FMO3: variants seen among roughly 807,000 people sequenced by gnomAD.
The protein encoded by FMO3 is flavin-containing monooxygenase 3.
FMO3 carries 40 observed loss-of-function variants against 39.4 expected under a neutral mutation model. The observed-to-expected ratio is 1.02, with a 90% CI of 0.79 to 1.32. The LOEUF is 1.32. Among genes scored for constraint, FMO3 ranks in the 40% most tolerant of loss-of-function variants. The pLI, the probability that FMO3 is intolerant of heterozygous loss-of-function variation, is 0.00. For synonymous variants in FMO3, 219 were observed against 228.8 expected (o/e 0.96, Z 0.39); for missense variants, 680 against 651.8 (o/e 1.04, Z -0.47).
At chr1:171,096,510 TTAAA>T (rs1173784823) in intron 2 of FMO3, among the ~76,000 whole-genome samples, 1 of 105,038 alleles carries the variant, frequency 9.5e-6, no homozygotes, top group Non-Finnish European at 1.7e-5. Flanking sequence ...ACTTTATATA[TTAAA>T]TACATAATAT....
chr1:171,108,106 T>TCCACAG lies in FMO3; in HGVS notation c.514_519dup (p.His172_Ser173dup). The TCCACAG allele has an allele frequency of 6.2e-7, 1 of 1,613,918 alleles. No homozygotes were observed. On this transcript the variant is annotated inframe_insertion, in exon 5 of 9. Coordinates refer to ENST00000367755, the MANE Select transcript of FMO3 (RefSeq NM_001002294.3). The stretch of plus-strand genomic sequence containing the variant: ...CTAAACCACTTTAAAGGCAAATGCT[T>TCCACAG]CCACAGCAGGGACTATAAAGAACCA...
At chr1:171,098,509 C>G (rs1224674238) in intron 2 of FMO3, among the ~76,000 whole-genome samples, 1 of 152,046 alleles carries the variant, frequency 6.6e-6, no homozygotes, top group Non-Finnish European at 1.5e-5. Flanking sequence ...CTTTCACATC[C>G]CTTGTAAGTT....
rs1186278700 is a variant in FMO3 at position 171,113,959 on chromosome 1, A to T, written c.828-48A>T. The T allele has an allele frequency of 2.2e-6, 3 of 1,340,784 alleles. No individual in the cohort carries two copies. In the South Asian group the frequency reaches 3.9e-5, roughly 17 times the overall value. The allele number at this position is 1,340,784 out of a possible 1,614,324, so 83.1% of individuals were successfully genotyped here. On this transcript the variant is annotated intron_variant, in intron 6 of 8. Transcript: ENST00000367755. ...CAATTTATATATGGACCAATAAAAC[A>T]AGAGGGAAATATTACACTTCCAATA...
At chr1:171,114,411 A>G (rs1317738897) in intron 7 of FMO3, 49 bp downstream of exon 7, 2 of 1,326,148 alleles carry the variant, frequency 1.5e-6, no homozygotes, top group African/African-American at 1.4e-5. Context: ...TGCCAGTGAC[A>G]ATAACTTTGG....
Position 171,108,216 on chromosome 1 carries a change from G to A in FMO3, c.622G>A (p.Glu208Lys), listed in dbSNP as rs559643079. 1.2e-6 allele frequency: 2 copies of A among 1,613,806 alleles called. No homozygotes were observed. The highest frequency in any genetic ancestry group is 4.5e-5 in the East Asian group (2 of 44,866). Residue 208 changes from glutamate (E) to lysine (K), a missense_variant, in exon 5 of 9, where the codon GAA becomes AAA. Glu to Lys is a moderately conservative substitution (Grantham distance 56, BLOSUM62 1). Coordinates refer to ENST00000367755, the MANE Select transcript of FMO3 (RefSeq NM_001002294.3). ...DIATELSRTA[E>K]QVMISSRSGS... ...TGCCACAGAACTCAGCCGCACAGCA[G>A]AACAGGTACTACTCCCCGGGTACTC...
Position 171,110,853 on chromosome 1 carries a change from G to C in FMO3, c.683G>C (p.Gly228Ala). The C allele has an allele frequency of 6.2e-7, 1 of 1,613,996 alleles. No homozygotes were observed. Among genetic ancestry groups the C allele is most frequent in the African/African-American group, 1.3e-5 (1 of 75,024 alleles). Residue 228 changes from glycine (G) to alanine (A), a missense_variant, in exon 6 of 9, where the codon GGT becomes GCT. Physicochemically the swap from Gly to Ala is moderately conservative, Grantham distance 60 (BLOSUM62 0). Coordinates refer to ENST00000367755, the MANE Select transcript of FMO3 (RefSeq NM_001002294.3). ...SWVMSRVWDNGYPWDMLLVTR... is the reference protein window; with the variant it reads ...SWVMSRVWDNAYPWDMLLVTR... The stretch of plus-strand genomic sequence containing the variant: ...GTGATGAGCCGGGTCTGGGACAATG[G>C]TTATCCTTGGGACATGCTGCTCGTC...
chr1:171,097,818 G>A (rs1383794875), intron 2 of FMO3, among the ~76,000 whole-genome samples: 1 of 151,874 alleles, frequency 6.6e-6, no homozygotes, highest in Admixed American at 6.6e-5. Context: ...TGTCAATTTT[G>A]GCTTTTGTTG....
chr1:171,111,107 A>C, intron 6 of FMO3, 110 bp downstream of exon 6: 1 of 841,392 alleles, frequency 1.2e-6, no homozygotes, highest in South Asian at 1.4e-5. Context: ...CACAACTCAT[A>C]TATCAGAAGA....
Position 171,092,760 on chromosome 1 carries a change from C to A in FMO3, c.102C>A (p.Ser34Arg), listed in dbSNP as rs1365522593. The A allele has an allele frequency of 1.2e-6, 2 of 1,613,884 alleles. No homozygotes were observed. The highest frequency in any genetic ancestry group is 2.7e-5 in the African/African-American group (2 of 74,898). The change falls in exon 2 of 9, where the codon AGC (serine) becomes AGA (arginine). Residue 34 changes from serine (S) to arginine (R), a missense_variant. Ser to Arg is a moderately radical substitution (Grantham distance 110, BLOSUM62 -1). Transcript: ENST00000367755. The stretch of plus-strand genomic sequence containing the variant: ...TGGAGCCCACCTGCTTTGAGAAGAG[C>A]AATGACATTGGGGGCCTGTGGAAAT... ...EGLEPTCFEK[S>R]NDIGGLWKFS...
At position 171,103,633 on chromosome 1, in the gene FMO3, A is replaced by T. The variant is rs1571213761; in HGVS notation, c.133-152A>T. 6.7e-5 allele frequency: 47 copies of T among 696,664 alleles called. No homozygotes were observed. The East Asian group carries it at 1.2e-3, about 17-fold the overall frequency. 43.2% of individuals were successfully genotyped at this position (696,664 alleles called of 1,614,324 possible). ...AAAATACTATATCATTTTATGTAAGAGACTTGAGCATTCGTAGATTTTGGT... is the reference window on the plus strand; with the variant it reads ...AAAATACTATATCATTTTATGTAAGTGACTTGAGCATTCGTAGATTTTGGT... On this transcript the variant is annotated intron_variant, in intron 2 of 8. Transcript: ENST00000367755.
Position 171,117,403 on chromosome 1 carries a change from T to A in FMO3, c.1560T>A (p.Ile520=). Residue 520 remains isoleucine (I), a synonymous_variant, in exon 9 of 9, where the codon ATT becomes ATA. Coordinates refer to ENST00000367755, the MANE Select transcript of FMO3 (RefSeq NM_001002294.3). The part of the protein sequence containing the change: ...FFFHWLKLFA[I]PILLIAVFLV... ...TCCATTGGCTGAAGCTCTTTGCAAT[T>A]CCTATTCTGTTAATCGCTGTTTTCC... is the stretch of plus-strand genomic sequence containing the variant. The A allele has an allele frequency of 1.2e-6, 2 of 1,613,458 alleles. No individual in the cohort carries two copies. The highest frequency in any genetic ancestry group is 1.7e-6 in the Non-Finnish European group (2 of 1,179,822).
chr1:171,117,296 G>A lies in FMO3; in HGVS notation c.1453G>A (p.Ala485Thr), dbSNP rs971262668. 6.2e-7 allele frequency: 1 copy of A among 1,614,170 alleles called. No individual in the cohort carries two copies. Among genetic ancestry groups the A allele is most frequent in the African/African-American group, 1.3e-5 (1 of 75,060 alleles). ...GPGQWPGARN[A>T]ILTQWDRSLK... is the part of the protein sequence containing the mutation. ...AGGGCAGTGGCCAGGAGCCAGAAAT[G>A]CCATACTGACCCAGTGGGACCGGTC... The change falls in exon 9 of 9, where the codon GCC becomes ACC. Residue 485 changes from alanine to threonine, a missense_variant. Transcript: ENST00000367755.
In FMO3 at chr1:171,109,526, C is replaced by CTTTTTTTTTTTTTTTTTT. The variant is rs780479699; in HGVS notation, c.628-1264_628-1247dup. Among the ~76,000 whole-genome samples, 24 of 58,998 alleles carry CTTTTTTTTTTTTTTTTTT rather than the reference C, an allele frequency of 4.1e-4. 4 individuals are homozygous for CTTTTTTTTTTTTTTTTTT. The highest frequency in any genetic ancestry group is 8.1e-4 in the South Asian group (1 of 1,228). 38.7% of individuals were successfully genotyped at this position (58,998 alleles called of 152,430 possible). On this transcript the variant is annotated intron_variant, in intron 5 of 8. Coordinates refer to ENST00000367755, the MANE Select transcript of FMO3 (RefSeq NM_001002294.3). ...TAATTAATTGATCCTTTAGTCTCTT[C>CTTTTTTTTTTTTTTTTTT]TTTTTTTTTTTTTTTTTTTTTTTTT...
chr1:171,107,868 T>C (rs945298286), intron 4 of FMO3, 31 bp downstream of exon 4: 8 of 1,602,420 alleles, frequency 5.0e-6, no homozygotes, highest in Admixed American at 1.7e-5. Flanking sequence ...GCTAGCCACA[T>C]AACTGACAAA....
intron 3 of FMO3, among the ~76,000 whole-genome samples, chr1:171,104,469 AAGAC>A (rs1355925018): frequency 5.9e-5 from 9 of 152,200 alleles, no homozygotes; most frequent in South Asian, 2.1e-4. Context: ...TAGTAAAAGA[AAGAC>A]AGAATAAACT....
intron 7 of FMO3, among the ~76,000 whole-genome samples, chr1:171,115,562 T>C (rs952790144): frequency 1.7e-4 from 26 of 152,180 alleles, no homozygotes; most frequent in African/African-American, 6.3e-4. Flanking sequence ...TTATTCTCTT[T>C]CAAGTTGATA....
chr1:171,102,322 A>G (rs1434579589), intron 2 of FMO3, among the ~76,000 whole-genome samples: 2 of 152,180 alleles, frequency 1.3e-5, no homozygotes, highest in African/African-American at 4.8e-5. Flanking sequence ...GCAACTACAC[A>G]TAGAGATCTA....
At chr1:171,111,433 G>A (rs74122216) in intron 6 of FMO3, among the ~76,000 whole-genome samples, 131 of 152,234 alleles carry the variant, frequency 8.6e-4, no homozygotes, top group African/African-American at 2.9e-3. Context: ...TAGAAGCAGC[G>A]TTCAAAACAA....
chr1:171,112,711 G>A (rs557966039), intron 6 of FMO3, among the ~76,000 whole-genome samples: 1 of 151,524 alleles, frequency 6.6e-6, no homozygotes, highest in African/African-American at 2.4e-5. Context: ...GGAAACACAA[G>A]ACAGGAGGGA....
Sources: allele counts gnomAD v4.1 joint callset (sites outside exome capture counted in the v4.1 genomes callset), GRCh38; gene constraint gnomAD v4.1.1; transcripts MANE v1.5; gene names NCBI Gene and HGNC (gene_info 2026-07-23, HGNC 2026-07-21).